Variants in SYT12 observed in about 807,000 individuals in gnomAD.
SYT12 encodes the protein synaptotagmin 12.
In SYT12, 27 loss-of-function variants were observed where a neutral mutation model predicts 39.5. That is an observed-to-expected ratio of 0.68 (90% CI 0.50 to 0.94). The LOEUF is 0.94. Ranked by LOEUF, SYT12 falls within the 40% of genes least tolerant of loss-of-function variation. The pLI, the probability that SYT12 is intolerant of heterozygous loss-of-function variation, is 0.00. For missense variants in SYT12, 536 were observed against 572.6 expected (o/e 0.94, Z 0.65); for synonymous variants, 233 against 239.7 (o/e 0.97, Z 0.26).
At chr11:67,016,632 G>A (rs953459695) in intron 3 of SYT12, among the ~76,000 whole-genome samples, 18 of 152,182 alleles carry the variant, frequency 1.2e-4, no homozygotes, top group African/African-American at 1.9e-4. Context: ...TTCTGAAACC[G>A]TATGCCCTAT....
At chr11:67,038,049 A>G (rs530376528) in intron 3 of SYT12, among the ~76,000 whole-genome samples, 1 of 151,868 alleles carries the variant, frequency 6.6e-6, no homozygotes, top group East Asian at 1.9e-4. Flanking sequence ...TCTCAAAAAA[A>G]AAAAAAAAAT....
At chr11:67,043,879 C>T in intron 5 of SYT12, 26 bp downstream of exon 5, 1 of 1,603,746 alleles carries the variant, frequency 6.2e-7, no homozygotes, top group Non-Finnish European at 8.5e-7. Context: ...GCTCGTCCAC[C>T]TCGGAAGAGC....
upstream of SYT12, among the ~76,000 whole-genome samples, chr11:67,018,550 C>T (rs1055607369): frequency 2.1e-4 from 32 of 151,762 alleles, no homozygotes; most frequent in Non-Finnish European, 3.8e-4. Flanking sequence ...AGGCCGGGCG[C>T]GGTGGCTCAA....
At chr11:67,047,757 A>C (rs1465324995) in intron 7 of SYT12, among the ~76,000 whole-genome samples, 2 of 142,816 alleles carry the variant, frequency 1.4e-5, no homozygotes, top group Non-Finnish European at 3.1e-5. Context: ...AGCCTGGCCA[A>C]CATGATGAAA....
At chr11:67,030,256 G>A in intron 2 of SYT12, 78 bp downstream of exon 2, 1 of 1,523,958 alleles carries the variant, frequency 6.6e-7, no homozygotes, top group Non-Finnish European at 9.1e-7. Context: ...GGTGTCTGTG[G>A]GACATGAATA....
chr11:67,028,295 A>G (rs1001668362), intron 1 of SYT12: 26 of 152,330 alleles, frequency 1.7e-4, no homozygotes, highest in African/African-American at 5.8e-4. Flanking sequence ...AGGCCCAGGA[A>G]TGAGCTTCCA....
intron 3 of SYT12, among the ~76,000 whole-genome samples, chr11:67,012,075 G>A (rs1950017120): frequency 6.7e-6 from 1 of 149,980 alleles, no homozygotes; most frequent in South Asian, 2.2e-4. Context: ...GGTCTTGGTT[G>A]AAAAGTCGCC....
chr11:67,035,877 T>G (rs1303136387), intron 3 of SYT12, among the ~76,000 whole-genome samples: 1 of 130,936 alleles, frequency 7.6e-6, no homozygotes, highest in Non-Finnish European at 1.6e-5. Context: ...TTTCTTTCTT[T>G]CTTTCCCTCC....
intron 3 of SYT12, 54 bp from the exon 4 acceptor site, chr11:67,039,757 T>G: frequency 3.2e-6 from 5 of 1,546,942 alleles, no homozygotes; most frequent in Non-Finnish European, 4.4e-6. Context: ...CGTCTCCCAG[T>G]GACCTTGCCT....
upstream of SYT12, chr11:67,022,716 T>G (rs1950124964): frequency 7.1e-6 from 1 of 140,740 alleles, no homozygotes; most frequent in African/African-American, 2.4e-5. Context: ...AGCCTGTTTC[T>G]TCATGTAAAA....
intron 2 of SYT12, chr11:67,031,843 G>A (rs1950272792): frequency 6.6e-6 from 1 of 152,312 alleles, no homozygotes; most frequent in Admixed American, 6.5e-5. Flanking sequence ...CCTGCTTAGA[G>A]ACCTTGGGCC....
rs1045589221 is a variant in SYT12, at chr11:67,039,955, T to G, written c.373T>G (p.Tyr125Asp). 1.9e-6 allele frequency: 3 copies of G among 1,613,626 alleles called. No individual in the cohort carries two copies. The highest frequency in any genetic ancestry group is 1.3e-5 in the African/African-American group (1 of 74,932). Reference sequence around the variant, plus strand: ...GGGCCGGGAGTTGGACCTGGCCCCCTATGGGACCCTCCGGAAGTCCCAGTC... The same window carrying G: ...GGGCCGGGAGTTGGACCTGGCCCCCGATGGGACCCTCCGGAAGTCCCAGTC... The part of the protein sequence containing the change: ...LMGRELDLAP[Y>D]GTLRKSQSAD... Residue 125 changes from tyrosine (Y) to aspartate (D), a missense_variant, in exon 4 of 8, where the codon TAT becomes GAT. Coordinates refer to ENST00000527043, the MANE Select transcript of SYT12 (RefSeq NM_177963.4).
intron 3 of SYT12, among the ~76,000 whole-genome samples, chr11:67,035,549 C>A (rs1440883628): frequency 6.7e-6 from 1 of 150,364 alleles, no homozygotes; most frequent in Non-Finnish European, 1.5e-5. Context: ...GCTCCGCCTC[C>A]CGGGTTCACG....
intron 5 of SYT12, among the ~76,000 whole-genome samples, chr11:67,044,313 T>TAGCTACATTTGAC (rs2136231216): frequency 6.6e-6 from 1 of 152,300 alleles, no homozygotes; most frequent in South Asian, 2.1e-4. Flanking sequence ...CTACATTTGA[T>TAGCTACATTTGAC]AGCTACATTT....
chr11:67,034,921 C>T, intron 3 of SYT12, 83 bp downstream of exon 3: 1 of 1,076,626 alleles, frequency 9.3e-7, no homozygotes, highest in Non-Finnish European at 1.3e-6. Flanking sequence ...CAGCCCCTCT[C>T]CCTCCGTCAC....
intron 7 of SYT12, among the ~76,000 whole-genome samples, chr11:67,048,299 T>C (rs1007379796): frequency 5.4e-5 from 8 of 147,858 alleles, no homozygotes; most frequent in South Asian, 4.3e-4. Context: ...TCAGGGGGAA[T>C]TGGGGAGGCC....
At chr11:67,023,822 C>A (rs377412800) in intron 1 of SYT12, among the ~76,000 whole-genome samples, 2 of 152,266 alleles carry the variant, frequency 1.3e-5, no homozygotes, top group Non-Finnish European at 2.9e-5. Flanking sequence ...GCACCCCCTC[C>A]CGACACTCCG....
Position 67,043,998 on chromosome 11 carries a change from T to G in SYT12, c.837+145T>G, listed in dbSNP as rs1590653270. The G allele has an allele frequency of 3.5e-5, 29 of 817,310 alleles. No homozygotes were observed. In the East Asian group the frequency reaches 7.8e-4, roughly 22 times the overall value. 50.6% of individuals were successfully genotyped at this position (817,310 alleles called of 1,614,324 possible). ...AGCAGAGAAGAAGACCTGAGCCACATCCGAGGAAACTGCTTGCTGCAGGCA... is the reference window on the plus strand; with the variant it reads ...AGCAGAGAAGAAGACCTGAGCCACAGCCGAGGAAACTGCTTGCTGCAGGCA... On this transcript the variant is annotated intron_variant, in intron 5 of 7. Coordinates refer to ENST00000527043, the MANE Select transcript of SYT12 (RefSeq NM_177963.4).
intron 1 of SYT12, among the ~76,000 whole-genome samples, chr11:67,007,734 T>C (rs1949982527): frequency 6.6e-6 from 1 of 150,792 alleles, no homozygotes; most frequent in African/African-American, 2.4e-5. Context: ...CCAGCTAATT[T>C]TGTATTTTTA....
Sources: gnomAD v4.1 joint callset for allele counts (sites outside exome capture counted in the v4.1 genomes callset) on GRCh38, gnomAD v4.1.1 for gene constraint, MANE v1.5 for transcripts, NCBI Gene and HGNC (gene_info 2026-07-23, HGNC 2026-07-21) for gene names.